EBF3: variants seen among roughly 807,000 people sequenced by gnomAD.
EBF3 encodes the protein transcription factor COE3.
Under a neutral mutation model 77.1 loss-of-function variants are expected in EBF3, and 18 were observed. The ratio of observed to expected loss-of-function variants is 0.23; its 90% CI spans 0.16 to 0.35. The LOEUF (loss-of-function observed/expected upper bound fraction) is 0.35, where lower values mean the gene tolerates loss of function less well. Among genes scored for constraint, EBF3 ranks in the 10% least tolerant of loss-of-function variants. EBF3 has a pLI of 1.00. For missense variants in EBF3, 558 were observed against 860.0 expected, an observed-to-expected ratio of 0.65 and a Z score of 4.39; for synonymous variants, 350 against 343.5, an observed-to-expected ratio of 1.02 and a Z score of -0.21.
At chr10:129,957,206 C>T (rs1186406652) in intron 6 of EBF3, 52 bp downstream of exon 6, 4 of 1,526,456 alleles carry the variant, frequency 2.6e-6, no homozygotes, top group Non-Finnish European at 2.7e-6. Flanking sequence ...CAAGGCAAAA[C>T]GTTTTGTTGC....
chr10:129,853,042 G>T (rs1338003372), intron 10 of EBF3, among the ~76,000 whole-genome samples: 1 of 152,188 alleles, frequency 6.6e-6, no homozygotes, highest in Non-Finnish European at 1.5e-5. Context: ...GGGTGAAAGA[G>T]CTTAATTGTG....
At position 129,841,989 on chromosome 10, in the gene EBF3, G is replaced by C; in HGVS notation, c.1372+127C>G. The stretch of plus-strand genomic sequence containing the variant: ...GTCTTCCTGAGCAAAGGAACCAGCA[G>C]AGCCAGAGAGAACAGAACGCTACGG... On this transcript the variant is annotated intron_variant, in intron 13 of 16. Coordinates refer to ENST00000440978, the MANE Select transcript of EBF3 (RefSeq NM_001375380.1). The surrounding 1 kb of genome is among the most constrained non-coding windows in gnomAD (Gnocchi z 4.6). The C allele has an allele frequency of 8.0e-7, 1 of 1,248,604 alleles. No individual in the cohort carries two copies. The highest frequency in any genetic ancestry group is 1.1e-6 in the Non-Finnish European group (1 of 901,300). 77.3% of individuals were successfully genotyped at this position (1,248,604 alleles called of 1,614,324 possible). A position where few individuals can be genotyped will look rare whatever the true frequency, so the allele number is the denominator to read the frequency against.
chr10:129,926,879 C>T (rs1040771346), intron 6 of EBF3, among the ~76,000 whole-genome samples: 5 of 152,152 alleles, frequency 3.3e-5, no homozygotes, highest in Admixed American at 6.5e-5. Flanking sequence ...GTGTGCTCAG[C>T]GTTCCCCGAA....
rs71481027 is a variant in EBF3 at position 129,948,259 on chromosome 10, CAAAAAAAAAAAA to C, written c.554+8987_554+8998del. ...GGCAACAAGAGCAAAAACTCCGTCTCAAAAAAAAAAAAAAAAAAAAAAAAAAGCAGCAGCAGC... is the reference window on the plus strand; with the variant it reads ...GGCAACAAGAGCAAAAACTCCGTCTCAAAAAAAAAAAAAAGCAGCAGCAGC... On this transcript the variant is annotated intron_variant, in intron 6 of 16. Coordinates refer to ENST00000440978, the MANE Select transcript of EBF3 (RefSeq NM_001375380.1). Among the ~76,000 whole-genome samples, 9 of 45,742 alleles carry C rather than the reference CAAAAAAAAAAAA, an allele frequency of 2.0e-4. No homozygotes were observed. The South Asian group carries it at 4.3e-3, about 22-fold the overall frequency. The allele number at this position is 45,742 out of a possible 152,430, so 30.0% of individuals were successfully genotyped here.
intron 6 of EBF3, among the ~76,000 whole-genome samples, chr10:129,905,722 G>A (rs868468898): frequency 5.9e-5 from 9 of 152,136 alleles, no homozygotes; most frequent in Non-Finnish European, 7.3e-5. Flanking sequence ...GGACGGTGGC[G>A]GGGAAGGGAA....
chr10:129,857,505 C>A (rs1239419349), intron 10 of EBF3, among the ~76,000 whole-genome samples: 4 of 152,212 alleles, frequency 2.6e-5, no homozygotes, highest in Non-Finnish European at 4.4e-5. Flanking sequence ...AACCATCTCC[C>A]CAGGGCGCCC....
chr10:129,957,194 A>G lies in EBF3; in HGVS notation c.554+64T>C, dbSNP rs144813337. 2.9e-5 allele frequency: 42 copies of G among 1,470,872 alleles called. No individual in the cohort carries two copies. In the African/African-American group the frequency reaches 4.8e-4, roughly 17 times the overall value. 91.1% of individuals were successfully genotyped at this position (1,470,872 alleles called of 1,614,324 possible). A position where few individuals can be genotyped will look rare whatever the true frequency, so the allele number is the denominator to read the frequency against. On this transcript the variant is annotated intron_variant, in intron 6 of 16. Transcript: ENST00000440978. Reference sequence around the variant, plus strand: ...AAAAATATGGAGCAACTGGAAACCAAGCAAGGCAAAACGTTTTGTTGCTGC... The same window carrying G: ...AAAAATATGGAGCAACTGGAAACCAGGCAAGGCAAAACGTTTTGTTGCTGC...
At chr10:129,862,773 CTG>C (rs919985454) in intron 10 of EBF3, among the ~76,000 whole-genome samples, 1 of 152,230 alleles carries the variant, frequency 6.6e-6, no homozygotes, top group Non-Finnish European at 1.5e-5. Context: ...AAATTCCAAT[CTG>C]TCTTAATCAA....
chr10:129,861,138 G>C lies in EBF3; in HGVS notation c.1039+6003C>G, dbSNP rs938583512. ...CACTTAGCATGCTGGCAGATTAACT[G>C]ATCATGGTTTGGGTTGATGCTGTGC... On this transcript the variant is annotated intron_variant, in intron 10 of 16. Transcript: ENST00000440978. This position sits in a 1 kb window ranked among gnomAD's most constrained non-coding sequence, Gnocchi z 4.3. Among the ~76,000 whole-genome samples the C allele has an allele frequency of 8.5e-5, 13 of 152,296 alleles. No homozygotes were observed. The highest frequency in any genetic ancestry group is 2.6e-4 in the African/African-American group (11 of 41,562).
At chr10:129,951,296 C>G (rs1010856632) in intron 6 of EBF3, among the ~76,000 whole-genome samples, 2 of 152,232 alleles carry the variant, frequency 1.3e-5, no homozygotes, top group Non-Finnish European at 2.9e-5. Flanking sequence ...CCCATGCCAT[C>G]CTAACACAAT....
Position 129,908,893 on chromosome 10 carries a change from T to C in EBF3, c.555-31044A>G, listed in dbSNP as rs112527640. Among the ~76,000 whole-genome samples the C allele has an allele frequency of 1.1e-4, 17 of 152,310 alleles. 1 individual carries two copies. The highest frequency in any genetic ancestry group is 4.1e-4 in the African/African-American group (17 of 41,576). ...GGCCCATAAGTCGACTCTTTGCAAA[T>C]TCTAAACACAATGCAACTGCCTCTT... On this transcript the variant is annotated intron_variant, in intron 6 of 16. Transcript: ENST00000440978.
intron 6 of EBF3, among the ~76,000 whole-genome samples, chr10:129,920,116 G>A (rs71494346): frequency 6.4e-5 from 2 of 31,020 alleles, no homozygotes; most frequent in African/African-American, 1.1e-4. Context: ...CCCACTGTGC[G>A]GTCTAGGGCC....
chr10:129,842,065 C>A lies in EBF3; in HGVS notation c.1372+51G>T, dbSNP rs1426477621. 8 of 1,611,600 alleles carry A rather than the reference C, an allele frequency of 5.0e-6. No homozygotes were observed. In the African/African-American group the frequency reaches 5.3e-5, roughly 11 times the overall value. ...GTGCCTCTTCAGCTAAGGCCTCAACCAACCCTCGGAGGGCGTTCAGGGCAG... is the reference window on the plus strand; with the variant it reads ...GTGCCTCTTCAGCTAAGGCCTCAACAAACCCTCGGAGGGCGTTCAGGGCAG... On this transcript the variant is annotated intron_variant, in intron 13 of 16. Transcript: ENST00000440978. This position sits in a 1 kb window ranked among gnomAD's most constrained non-coding sequence, Gnocchi z 4.4.
At chr10:129,880,998 G>A (rs1251633282) in intron 6 of EBF3, among the ~76,000 whole-genome samples, 1 of 152,216 alleles carries the variant, frequency 6.6e-6, no homozygotes, top group African/African-American at 2.4e-5. Context: ...CCCAACATGT[G>A]AAGTCAAAAG....
At chr10:129,957,121 G>A (rs1291589875) in intron 6 of EBF3, 137 bp downstream of exon 6, 3 of 686,300 alleles carry the variant, frequency 4.4e-6, no homozygotes, top group East Asian at 2.7e-5. Context: ...GATAACACAC[G>A]CGGACAACAA....
At chr10:129,904,760 T>C (rs761296567) in intron 6 of EBF3, among the ~76,000 whole-genome samples, 2 of 145,024 alleles carry the variant, frequency 1.4e-5, no homozygotes, top group Non-Finnish European at 3.1e-5. Context: ...ATCCACCCTT[T>C]AGAGCAGGAA....
At chr10:129,919,031 G>A (rs1200256125) in intron 6 of EBF3, among the ~76,000 whole-genome samples, 1 of 152,190 alleles carries the variant, frequency 6.6e-6, no homozygotes, top group Non-Finnish European at 1.5e-5. Context: ...GCCCAGCCTG[G>A]GCACAGTGGG....
intron 6 of EBF3, among the ~76,000 whole-genome samples, chr10:129,934,845 T>C (rs931359435): frequency 2.0e-5 from 3 of 152,110 alleles, no homozygotes; most frequent in African/African-American, 7.2e-5. Context: ...CCCAAATTCA[T>C]TCTCTGTGCA....
Position 129,848,955 on chromosome 10 carries a change from T to C in EBF3, c.1040-475A>G, listed in dbSNP as rs755853250. ...ACAAACCAGGCAGGAGGAGCACTTATTCTTGCAAAGCTTTAATAATCTGTG... is the reference window on the plus strand; with the variant it reads ...ACAAACCAGGCAGGAGGAGCACTTACTCTTGCAAAGCTTTAATAATCTGTG... On this transcript the variant is annotated intron_variant, in intron 10 of 16. Coordinates refer to ENST00000440978, the MANE Select transcript of EBF3 (RefSeq NM_001375380.1). The surrounding 1 kb of genome is among the most constrained non-coding windows in gnomAD (Gnocchi z 4.4). Among the ~76,000 whole-genome samples the C allele has an allele frequency of 4.6e-5, 7 of 152,252 alleles. No individual in the cohort carries two copies. The highest frequency in any genetic ancestry group is 7.2e-5 in the African/African-American group (3 of 41,474).
Sources: allele counts gnomAD v4.1 joint callset (sites outside exome capture counted in the v4.1 genomes callset), GRCh38; gene constraint gnomAD v4.1.1; non-coding constraint Gnocchi (gnomAD v3.1); transcripts MANE v1.5; gene names NCBI Gene and HGNC (gene_info 2026-07-23, HGNC 2026-07-21).